Variants in SAMD3 observed in about 807,000 individuals in gnomAD.
The protein encoded by SAMD3 is sterile alpha motif domain-containing protein 3.
Under a neutral mutation model 58.5 loss-of-function variants are expected in SAMD3, and 63 were observed. The ratio of observed to expected loss-of-function variants is 1.08; its 90% CI spans 0.88 to 1.33. The LOEUF (loss-of-function observed/expected upper bound fraction) is 1.33, where lower values mean the gene tolerates loss of function less well. SAMD3 is among the 40% of genes most tolerant of loss of function. The pLI is 0.00. For missense variants in SAMD3, 604 were observed against 608.4 expected (o/e 0.99, Z 0.08); for synonymous variants, 220 against 210.3 (o/e 1.05, Z -0.40).
At chr6:130,321,717 G>GTTCC (rs10699629) in intron 1 of SAMD3, among the ~76,000 whole-genome samples, 73,584 of 151,558 alleles carry the variant, frequency 0.49, 21,885 homozygotes, top group African/African-American at 0.85. Flanking sequence ...AATAAAATAA[G>GTTCC]ATGAGAACAG....
intron 2 of SAMD3, among the ~76,000 whole-genome samples, chr6:130,310,287 G>T (rs1419868163): frequency 2.6e-5 from 4 of 152,122 alleles, no homozygotes; most frequent in Non-Finnish European, 5.9e-5. Flanking sequence ...ATCCTATACT[G>T]CATTGCCTTT....
At chr6:130,356,794 A>G (rs994105955) in intron 1 of SAMD3, among the ~76,000 whole-genome samples, 3 of 152,210 alleles carry the variant, frequency 2.0e-5, no homozygotes, top group Non-Finnish European at 4.4e-5. Flanking sequence ...GTAAGTTCCC[A>G]TTTCTATGAA....
At chr6:130,265,700 T>C (rs1774320009) in intron 2 of SAMD3, among the ~76,000 whole-genome samples, 1 of 152,088 alleles carries the variant, frequency 6.6e-6, no homozygotes, top group African/African-American at 2.4e-5. Flanking sequence ...CCACAGTTTT[T>C]AAAATAAGAT....
intron 5 of SAMD3, among the ~76,000 whole-genome samples, chr6:130,189,436 T>C (rs77736500): frequency 1.3e-5 from 2 of 152,336 alleles, no homozygotes; most frequent in Non-Finnish European, 2.9e-5. Flanking sequence ...AATAAATTTC[T>C]ATGTTTAGGT....
chr6:130,275,564 T>A (rs920023404), intron 2 of SAMD3, among the ~76,000 whole-genome samples: 2 of 152,122 alleles, frequency 1.3e-5, no homozygotes, highest in African/African-American at 4.8e-5. Flanking sequence ...CACAATTGTA[T>A]ATAGCAATCT....
intron 5 of SAMD3, among the ~76,000 whole-genome samples, chr6:130,187,206 T>C (rs957175982): frequency 1.3e-5 from 2 of 152,200 alleles, no homozygotes; most frequent in African/African-American, 2.4e-5. Context: ...TTTTTGAAGT[T>C]GTTATGTTAC....
chr6:130,285,953 A>G (rs1370198176), intron 2 of SAMD3, among the ~76,000 whole-genome samples: 5 of 152,232 alleles, frequency 3.3e-5, no homozygotes, highest in African/African-American at 1.2e-4. Flanking sequence ...CTTTAGAAAC[A>G]CTAGTTTGTT....
At chr6:130,203,859 C>T (rs1046878356) in intron 5 of SAMD3, among the ~76,000 whole-genome samples, 1 of 152,216 alleles carries the variant, frequency 6.6e-6, no homozygotes, top group Non-Finnish European at 1.5e-5. Context: ...CACTTCCTTG[C>T]AGCTTCCCTT....
chr6:130,306,077 C>T (rs914004690), intron 2 of SAMD3, among the ~76,000 whole-genome samples: 1 of 152,158 alleles, frequency 6.6e-6, no homozygotes, highest in Non-Finnish European at 1.5e-5. Flanking sequence ...GATCTAGTTA[C>T]CTCCCAGAAG....
At position 130,156,633 on chromosome 6, in the gene SAMD3, G is replaced by T. The variant is rs576672601; in HGVS notation, c.823-1608C>A. 2.0e-5 allele frequency among the ~76,000 whole-genome samples: 3 copies of T among 152,246 alleles called. No individual in the cohort carries two copies. The South Asian group carries it at 6.2e-4, about 32-fold the overall frequency. ...AGTTTGGGGGCCACTGTTATAGAAA[G>T]ATTCGGGGCAGAAAAGAGGTAGGTT... On this transcript the variant is annotated intron_variant, in intron 8 of 11. Transcript: ENST00000439090.
chr6:130,363,703 G>A (rs1180194665), intron 1 of SAMD3, among the ~76,000 whole-genome samples: 1 of 152,176 alleles, frequency 6.6e-6, no homozygotes, highest in African/African-American at 2.4e-5. Context: ...AGGTGGTGGA[G>A]CTTGGATTAC....
intron 2 of SAMD3, among the ~76,000 whole-genome samples, chr6:130,312,397 G>A (rs945257635): frequency 4.6e-5 from 7 of 152,186 alleles, no homozygotes; most frequent in Admixed American, 6.5e-5. Context: ...TCACCGTACC[G>A]TTACACGGTG....
rs149572799 is a variant in SAMD3, at chr6:130,228,796, T to A, written c.-187-5983A>T. Among the ~76,000 whole-genome samples the A allele has an allele frequency of 3.6e-4, 55 of 152,284 alleles. No individual in the cohort carries two copies. In the East Asian group the frequency reaches 0.01, roughly 29 times the overall value. On this transcript the variant is annotated intron_variant, in intron 2 of 13. Coordinates refer to the SAMD3 transcript ENST00000368134. ...AAGCAGACAGTACTGGGCAGAGGGATTTCTACGTGTGTCTGGGATCATTCC... is the reference window on the plus strand; with the variant it reads ...AAGCAGACAGTACTGGGCAGAGGGAATTCTACGTGTGTCTGGGATCATTCC...
At chr6:130,318,096 A>G (rs1207727704) in intron 1 of SAMD3, among the ~76,000 whole-genome samples, 1 of 152,186 alleles carries the variant, frequency 6.6e-6, no homozygotes, top group African/African-American at 2.4e-5. Context: ...CAAGAATCTA[A>G]AGGATTAGAG....
At chr6:130,184,345 C>G in intron 6 of SAMD3, 93 bp downstream of exon 6, 1 of 1,306,490 alleles carries the variant, frequency 7.7e-7, no homozygotes, top group Middle Eastern at 1.9e-4. Context: ...ATATATCATC[C>G]ACAATCTGAA....
At chr6:130,320,057 G>A (rs1415518504) in intron 1 of SAMD3, among the ~76,000 whole-genome samples, 1 of 151,714 alleles carries the variant, frequency 6.6e-6, no homozygotes, top group Non-Finnish European at 1.5e-5. Context: ...TATGAAAATG[G>A]AATAATACAA....
At chr6:130,292,213 C>T (rs957693054) in intron 2 of SAMD3, among the ~76,000 whole-genome samples, 3 of 151,718 alleles carry the variant, frequency 2.0e-5, no homozygotes, top group African/African-American at 7.3e-5. Flanking sequence ...TCAGTTTCAT[C>T]AGGAACTTAG....
At chr6:130,221,620 C>T (rs1040105255) in intron 1 of SAMD3, 1 of 151,892 alleles carries the variant, frequency 6.6e-6, no homozygotes, top group African/African-American at 2.4e-5. Flanking sequence ...GAAGAGAAAA[C>T]ATTTACTATT....
chr6:130,227,761 C>T (rs980087749), upstream of SAMD3, among the ~76,000 whole-genome samples: 8 of 149,432 alleles, frequency 5.4e-5, no homozygotes, highest in Admixed American at 2.0e-4. Context: ...ACACTCCAGC[C>T]TGTGCGACAA....
Sources: allele counts gnomAD v4.1 joint callset (sites outside exome capture counted in the v4.1 genomes callset), GRCh38; gene constraint gnomAD v4.1.1; transcripts MANE v1.5; gene names NCBI Gene and HGNC (gene_info 2026-07-23, HGNC 2026-07-21).